The following PLXNA2 variants were observed in gnomAD, a reference collection of about 807,000 sequenced individuals.
PLXNA2 encodes the protein plexin A2.
A neutral mutation model predicts 193.5 loss-of-function variants in PLXNA2; 91 were observed. The observed-to-expected ratio is 0.47, with a 90% CI of 0.40 to 0.56. The LOEUF is 0.56. Ranked by LOEUF, PLXNA2 falls within the 20% of genes least tolerant of loss-of-function variation. The pLI, the probability that PLXNA2 is intolerant of heterozygous loss-of-function variation, is 0.00. For missense variants in PLXNA2, 1,995 were observed against 2,503.2 expected, an observed-to-expected ratio of 0.80 and a Z score of 4.33; for synonymous variants, 997 against 1,027.3, an observed-to-expected ratio of 0.97 and a Z score of 0.56.
rs760681914 is a variant in PLXNA2 at position 208,042,207 on chromosome 1, C to G, written c.4177G>C (p.Gly1393Arg). 1.9e-6 allele frequency: 3 copies of G among 1,614,202 alleles called. No individual in the cohort carries two copies. Among genetic ancestry groups the G allele is most frequent in the Non-Finnish European group, 2.5e-6 (3 of 1,180,020 alleles). The change falls in exon 22 of 32, where the codon GGC (glycine) becomes CGC (arginine). Residue 1393 changes from glycine (G) to arginine (R), a missense_variant. Gly to Arg is a moderately radical substitution (Grantham distance 125). Around this residue, in one of 3 missense-constraint regions of PLXNA2, gnomAD observed 1,291 missense variants for 1,673.6 expected, o/e 0.77. Transcript: ENST00000367033. ...RGNVASLIMTGLQGRLEYATD... is the reference protein window; with the variant it reads ...RGNVASLIMTRLQGRLEYATD... ...GCATATTCCAGGCGGCCCTGCAGGCCGGTCATGATGAGCGAAGCCACGTTG... is the reference window on the plus strand; with the variant it reads ...GCATATTCCAGGCGGCCCTGCAGGCGGGTCATGATGAGCGAAGCCACGTTG...
At chr1:208,110,317 G>A (rs2102430207) in intron 4 of PLXNA2, among the ~76,000 whole-genome samples, 1 of 152,378 alleles carries the variant, frequency 6.6e-6, no homozygotes, top group South Asian at 2.1e-4. Flanking sequence ...GATGCCTGAA[G>A]CAACACCTTA....
chr1:208,089,898 A>G (rs1358584260), intron 9 of PLXNA2, among the ~76,000 whole-genome samples: 5 of 152,200 alleles, frequency 3.3e-5, no homozygotes, highest in African/African-American at 1.2e-4. Flanking sequence ...GACGCCTGAG[A>G]GAGTAAGGGA....
At chr1:208,194,691 C>T (rs192481961) in intron 3 of PLXNA2, among the ~76,000 whole-genome samples, 2 of 152,254 alleles carry the variant, frequency 1.3e-5, no homozygotes, top group East Asian at 1.9e-4. Flanking sequence ...AACAAAACCC[C>T]GCCATGCACT....
chr1:208,086,908 T>TAA (rs894088742), intron 9 of PLXNA2, among the ~76,000 whole-genome samples: 2 of 151,218 alleles, frequency 1.3e-5, no homozygotes, highest in Non-Finnish European at 2.9e-5. Context: ...TGTTAGAATT[T>TAA]AAGTTAGAAA....
Position 208,243,865 on chromosome 1 carries a change from C to G in PLXNA2, c.-303G>C, listed in dbSNP as rs1246842220. On this transcript the variant is annotated 5_prime_UTR_variant, in exon 1 of 32. Transcript: ENST00000367033. Reference sequence around the variant, plus strand: ...CTCGGTCTCCGCTCCGCGCGCCCCTCAGTCCTCCGTCGCCCCGCAGCAGCC... The same window carrying G: ...CTCGGTCTCCGCTCCGCGCGCCCCTGAGTCCTCCGTCGCCCCGCAGCAGCC... The G allele has an allele frequency of 6.6e-6, 1 of 152,372 alleles. No individual in the cohort carries two copies. Among genetic ancestry groups the G allele is most frequent in the Non-Finnish European group, 1.5e-5 (1 of 68,152 alleles). 9.4% of individuals were successfully genotyped at this position (152,372 alleles called of 1,614,324 possible). A position where few individuals can be genotyped will look rare whatever the true frequency, so the allele number is the denominator to read the frequency against.
intron 11 of PLXNA2, among the ~76,000 whole-genome samples, chr1:208,080,929 G>C (rs574380818): frequency 6.6e-6 from 1 of 152,340 alleles, no homozygotes; most frequent in African/African-American, 2.4e-5. Flanking sequence ...TCTAGAACCT[G>C]AGTCTTTAAA....
At chr1:208,187,368 A>G (rs886386148) in intron 3 of PLXNA2, among the ~76,000 whole-genome samples, 2 of 152,158 alleles carry the variant, frequency 1.3e-5, no homozygotes, top group African/African-American at 2.4e-5. Flanking sequence ...TTTTTGTTAC[A>G]TAGCCCAGAG....
intron 3 of PLXNA2, among the ~76,000 whole-genome samples, chr1:208,172,056 C>T (rs896206150): frequency 2.8e-5 from 4 of 145,134 alleles, no homozygotes; most frequent in African/African-American, 1.0e-4. Context: ...CCCGCAATTA[C>T]TTCTGCACCA....
rs559112256 is a variant in PLXNA2 at position 208,150,647 on chromosome 1, C to T, written c.1372-8184G>A. Among the ~76,000 whole-genome samples the T allele has an allele frequency of 1.1e-4, 17 of 152,200 alleles. No homozygotes were observed. The South Asian group carries it at 2.3e-3, about 20-fold the overall frequency. ...CCAGTTTTCTGTTTCTAAATTGTGG[C>T]GTCTCTGCTCCCTCATCAGACAAGG... On this transcript the variant is annotated intron_variant, in intron 3 of 31. Transcript: ENST00000367033.
At chr1:208,223,033 G>T (rs1449206561) in intron 1 of PLXNA2, among the ~76,000 whole-genome samples, 1 of 152,166 alleles carries the variant, frequency 6.6e-6, no homozygotes, top group Non-Finnish European at 1.5e-5. Context: ...GAGCCAGACG[G>T]TGGTAGGGAA....
rs926777479 is a variant in PLXNA2, at chr1:208,236,549, C to T, written c.-81+7094G>A. 1.4e-4 allele frequency among the ~76,000 whole-genome samples: 21 copies of T among 152,308 alleles called. No homozygotes were observed. Among genetic ancestry groups the T allele is most frequent in the Non-Finnish European group, 2.6e-4 (18 of 68,032 alleles). ...CTGCCTGGCCGGCTGCTCCCTCTAA[C>T]CCCTGCTCAAAGGTAAAAAGACCTG... On this transcript the variant is annotated intron_variant, in intron 1 of 31. Transcript: ENST00000367033. The surrounding 1 kb of genome is among the most constrained non-coding windows in gnomAD (Gnocchi z 4.4).
chr1:208,210,536 C>T (rs1290047677), intron 2 of PLXNA2, 74 bp from the exon 3 acceptor site: 14 of 1,338,368 alleles, frequency 1.0e-5, no homozygotes, highest in African/African-American at 1.5e-5. Context: ...CCCATATCCA[C>T]AACTTCCAGC....
At chr1:208,061,309 G>A (rs1665612300) in intron 12 of PLXNA2, among the ~76,000 whole-genome samples, 2 of 152,200 alleles carry the variant, frequency 1.3e-5, no homozygotes, top group African/African-American at 4.8e-5. Context: ...TTGTAATTGT[G>A]ACAGTGTTAT....
At chr1:208,069,437 C>T (rs968382708) in intron 12 of PLXNA2, among the ~76,000 whole-genome samples, 2 of 152,204 alleles carry the variant, frequency 1.3e-5, no homozygotes, top group East Asian at 1.9e-4. Flanking sequence ...ATGCTGCACC[C>T]GACCTCATTC....
intron 3 of PLXNA2, among the ~76,000 whole-genome samples, chr1:208,147,579 GAAC>G (rs1175372028): frequency 6.6e-6 from 1 of 152,178 alleles, no homozygotes; most frequent in Non-Finnish European, 1.5e-5. Context: ...TAACAAAAAT[GAAC>G]TCATTTAACA....
chr1:208,042,027 C>T (rs1664886216), intron 22 of PLXNA2, 71 bp downstream of exon 22: 6 of 1,503,268 alleles, frequency 4.0e-6, no homozygotes, highest in Middle Eastern at 3.6e-4. Flanking sequence ...CTTGTGGGGC[C>T]TGCTATAATG....
intron 5 of PLXNA2, among the ~76,000 whole-genome samples, chr1:208,099,423 T>C (rs1484268979): frequency 6.6e-5 from 10 of 152,244 alleles, no homozygotes; most frequent in Middle Eastern, 3.4e-3. Flanking sequence ...CTTATGTAAA[T>C]GAAGAGGATG....
intron 3 of PLXNA2, among the ~76,000 whole-genome samples, chr1:208,155,554 T>C (rs1240570604): frequency 6.6e-6 from 1 of 152,232 alleles, no homozygotes; most frequent in African/African-American, 2.4e-5. Flanking sequence ...AACAGCACTT[T>C]GCCTCTCATA....
In PLXNA2 at chr1:208,091,868, C is replaced by CAAAA. The variant is rs10655053; in HGVS notation, c.2097+914_2097+917dup. On this transcript the variant is annotated intron_variant, in intron 9 of 31. Coordinates refer to ENST00000367033, the MANE Select transcript of PLXNA2 (RefSeq NM_025179.4). ...CTGGCGATAGAGCGAGACTTCATATCAAAAAAAAAAAAAAAGACTGTAGTT... is the reference window on the plus strand; with the variant it reads ...CTGGCGATAGAGCGAGACTTCATATCAAAAAAAAAAAAAAAAAAAGACTGTAGTT... 1.2e-3 allele frequency among the ~76,000 whole-genome samples: 151 copies of CAAAA among 130,978 alleles called. 2 individuals carry two copies. The highest frequency in any genetic ancestry group is 1.7e-3 in the Admixed American group (21 of 12,520). 85.9% of individuals were successfully genotyped at this position (130,978 alleles called of 152,430 possible). A position where few individuals can be genotyped will look rare whatever the true frequency, so the allele number is the denominator to read the frequency against.
Sources: allele counts gnomAD v4.1 joint callset (sites outside exome capture counted in the v4.1 genomes callset), GRCh38; gene constraint gnomAD v4.1.1; regional missense constraint gnomAD v4.1.1; non-coding constraint Gnocchi (gnomAD v3.1); transcripts MANE v1.5; gene names NCBI Gene and HGNC (gene_info 2026-07-23, HGNC 2026-07-21).